Variants in NPTXR observed in about 807,000 individuals in gnomAD.
NPTXR encodes neuronal pentraxin receptor.
Under a neutral mutation model 32.2 loss-of-function variants are expected in NPTXR, and 12 were observed. That is an observed-to-expected ratio of 0.37 (90% CI 0.24 to 0.60). NPTXR has a LOEUF of 0.60. Ranked by LOEUF, NPTXR falls within the 20% of genes least tolerant of loss-of-function variation. NPTXR has a pLI of 0.66. For synonymous variants in NPTXR, 323 were observed against 315.8 expected, an observed-to-expected ratio of 1.02 and a Z score of -0.24; for missense variants, 612 against 682.9, an observed-to-expected ratio of 0.90 and a Z score of 1.16.
At chr22:38,829,024 G>T (rs563925133) in intron 1 of NPTXR, among the ~76,000 whole-genome samples, 2 of 152,232 alleles carry the variant, frequency 1.3e-5, no homozygotes, top group African/African-American at 2.4e-5. Context: ...GCAGGGCCCC[G>T]GTGGCTTGAC....
In NPTXR at chr22:38,828,353, G is replaced by T. The variant is rs772216123; in HGVS notation, c.784C>A (p.Arg262=). The T allele has an allele frequency of 1.2e-6, 2 of 1,613,048 alleles. No homozygotes were observed. Among genetic ancestry groups the T allele is most frequent in the Non-Finnish European group, 8.5e-7 (1 of 1,179,990 alleles). ...TCCTTTTCCACTTCCTGCCTCTGCC[G>T]GCGGCTGCTGTGGCTGAGGGCCACA... is the stretch of plus-strand genomic sequence containing the variant. The change falls in exon 2 of 5, where the codon CGG becomes AGG. Residue 262 remains arginine (R), a synonymous_variant. Transcript: ENST00000333039.
intron 1 of NPTXR, among the ~76,000 whole-genome samples, chr22:38,840,638 G>C (rs2093130506): frequency 6.6e-6 from 1 of 152,150 alleles, no homozygotes; most frequent in Admixed American, 6.5e-5. Context: ...GGGGCTGATG[G>C]GACAACCAGA....
At chr22:38,829,585 T>C (rs1473941307) in intron 1 of NPTXR, among the ~76,000 whole-genome samples, 1 of 152,168 alleles carries the variant, frequency 6.6e-6, no homozygotes, top group Non-Finnish European at 1.5e-5. Context: ...TCCTCCTGGA[T>C]TCCCCCTCCT....
In NPTXR at chr22:38,828,526, A is replaced by T; in HGVS notation, c.625-14T>A. On this transcript the variant is annotated splice_polypyrimidine_tract_variant and intron_variant, in intron 1 of 4. Coordinates refer to ENST00000333039, the MANE Select transcript of NPTXR (RefSeq NM_014293.4). ...TGGAAGCTCCTGCTGTTCACAGGGC[A>T]GAGAAACAGAAATCAACTGAGGGGA... 1 of 1,563,130 alleles carries T rather than the reference A, an allele frequency of 6.4e-7. No homozygotes were observed. Among genetic ancestry groups the T allele is most frequent in the Non-Finnish European group, 8.7e-7 (1 of 1,152,380 alleles).
rs763837730 is a variant in NPTXR at position 38,828,504 on chromosome 22, A to G, written c.633T>C (p.Leu211=). The G allele has an allele frequency of 5.6e-6, 9 of 1,596,814 alleles. No individual in the cohort carries two copies. Among genetic ancestry groups the G allele is most frequent in the Non-Finnish European group, 6.8e-6 (8 of 1,172,228 alleles). Residue 211 remains leucine (L), a synonymous_variant, in exon 2 of 5, where the codon CTT becomes CTC. Coordinates refer to ENST00000333039, the MANE Select transcript of NPTXR (RefSeq NM_014293.4). The stretch of plus-strand genomic sequence containing the variant: ...CAGCTGAGAGGTTCACACGGGCTGG[A>G]AGCTCCTGCTGTTCACAGGGCAGAG...
chr22:38,843,393 C>A lies in NPTXR; in HGVS notation c.466G>T (p.Gly156Cys). 7.1e-7 allele frequency: 1 copy of A among 1,415,488 alleles called. No individual in the cohort carries two copies. The highest frequency in any genetic ancestry group is 9.1e-7 in the Non-Finnish European group (1 of 1,093,858). 87.7% of individuals were successfully genotyped at this position (1,415,488 alleles called of 1,614,324 possible). Residue 156 changes from glycine (G) to cysteine (C), a missense_variant, in exon 1 of 5, where the codon GGC becomes TGC. Gly to Cys is a radical substitution (Grantham distance 159). Transcript: ENST00000333039. The surrounding 1 kb of genome is among the most constrained non-coding windows in gnomAD (Gnocchi z 5.3). The stretch of plus-strand genomic sequence containing the variant: ...CCGCTCTCGCAGCGGCCCAGCTTGC[C>A]GGTGAGCTCACGGATGGTGTCCTGG...
intron 1 of NPTXR, among the ~76,000 whole-genome samples, chr22:38,829,118 CTA>C (rs1222090708): frequency 1.3e-5 from 2 of 152,216 alleles, no homozygotes; most frequent in Non-Finnish European, 2.9e-5. Context: ...AACCAATCTG[CTA>C]TGTGACTCTG....
intron 3 of NPTXR, among the ~76,000 whole-genome samples, 198 bp from the exon 4 acceptor site, chr22:38,823,460 A>G (rs2093101516): frequency 6.6e-6 from 1 of 152,198 alleles, no homozygotes; most frequent in Non-Finnish European, 1.5e-5. Flanking sequence ...ACCAGATCAC[A>G]AGGGACTCTC....
chr22:38,831,039 G>A (rs137874660), intron 1 of NPTXR, among the ~76,000 whole-genome samples: 40 of 152,334 alleles, frequency 2.6e-4, no homozygotes, highest in Admixed American at 5.9e-4. Flanking sequence ...TTGCTTTCCC[G>A]AGGGCTCCTT....
intron 1 of NPTXR, 35 bp from the exon 2 acceptor site, chr22:38,828,547 G>A (rs745877072): frequency 2.0e-6 from 3 of 1,510,264 alleles, no homozygotes; most frequent in East Asian, 4.9e-5. Flanking sequence ...AATCAACTGA[G>A]GGGAGGAAGG....
rs2146188066 is a variant in NPTXR at position 38,820,028 on chromosome 22, A to G, written c.*2581T>C. ...ATGCAAGTGCTGTCACCTCCTTCCTAAGACCCCATCCTTCTCCCAAGTCCT... is the reference window on the plus strand; with the variant it reads ...ATGCAAGTGCTGTCACCTCCTTCCTGAGACCCCATCCTTCTCCCAAGTCCT... On this transcript the variant is annotated 3_prime_UTR_variant, in exon 5 of 5. Coordinates refer to ENST00000333039, the MANE Select transcript of NPTXR (RefSeq NM_014293.4). 6.6e-6 allele frequency: 1 copy of G among 152,644 alleles called. No homozygotes were observed. Among genetic ancestry groups the G allele is most frequent in the African/African-American group, 2.4e-5 (1 of 41,520 alleles). 9.5% of individuals were successfully genotyped at this position (152,644 alleles called of 1,614,324 possible).
chr22:38,838,771 C>G (rs202203936), intron 1 of NPTXR, among the ~76,000 whole-genome samples: 1 of 151,872 alleles, frequency 6.6e-6, no homozygotes, highest in African/African-American at 2.4e-5. Flanking sequence ...TTAGTAGAGA[C>G]GGGGTTTCAC....
intron 2 of NPTXR, 38 bp downstream of exon 2, chr22:38,828,249 G>T: frequency 6.5e-7 from 1 of 1,537,046 alleles, no homozygotes. Context: ...GTCATCCTGA[G>T]GACCCCTCCA....
Position 38,834,804 on chromosome 22 carries a change from A to T in NPTXR, c.625-6292T>A, listed in dbSNP as rs2093121633. Among the ~76,000 whole-genome samples, 1 of 152,106 alleles carries T rather than the reference A, an allele frequency of 6.6e-6. No homozygotes were observed. The highest frequency in any genetic ancestry group is 2.1e-4 in the South Asian group (1 of 4,828). ...TCTGTAAAATGGGTGTAATAATAGT[A>T]CCTACATTTGGGGATATAAATAATG... On this transcript the variant is annotated intron_variant, in intron 1 of 4. Transcript: ENST00000333039. This position sits in a 1 kb window ranked among gnomAD's most constrained non-coding sequence, Gnocchi z 4.4.
rs2093099039 is a variant in NPTXR, at chr22:38,822,369, C to T, written c.*240G>A. The T allele has an allele frequency of 1.1e-5, 6 of 556,810 alleles. No homozygotes were observed. Among genetic ancestry groups the T allele is most frequent in the Non-Finnish European group, 2.0e-5 (6 of 307,618 alleles). 34.5% of individuals were successfully genotyped at this position (556,810 alleles called of 1,614,324 possible). ...GTAAGAGACAACTCCAGTGCAGTGC[C>T]AGGTGGGCAGGCTCCCACTGTTCAC... On this transcript the variant is annotated 3_prime_UTR_variant, in exon 5 of 5. Transcript: ENST00000333039.
At position 38,843,397 on chromosome 22, in the gene NPTXR, G is replaced by A; in HGVS notation, c.462C>T (p.Leu154=). The A allele has an allele frequency of 7.1e-7, 1 of 1,415,086 alleles. No homozygotes were observed. The highest frequency in any genetic ancestry group is 1.5e-5 in the African/African-American group (1 of 66,762). The allele number at this position is 1,415,086 out of a possible 1,614,324, so 87.7% of individuals were successfully genotyped here. ...TCTCGCAGCGGCCCAGCTTGCCGGT[G>A]AGCTCACGGATGGTGTCCTGGTCGG... The change falls in exon 1 of 5, where the codon CTC becomes CTT. Residue 154 remains leucine, a synonymous_variant. Coordinates refer to ENST00000333039, the MANE Select transcript of NPTXR (RefSeq NM_014293.4). This position sits in a 1 kb window ranked among gnomAD's most constrained non-coding sequence, Gnocchi z 5.3.
Position 38,843,646 on chromosome 22 carries a change from G to A in NPTXR, c.213C>T (p.Pro71=). Residue 71 remains proline, a synonymous_variant, in exon 1 of 5, where the codon CCC becomes CCT. Transcript: ENST00000333039. This position sits in a 1 kb window ranked among gnomAD's most constrained non-coding sequence, Gnocchi z 5.3. Reference sequence around the variant, plus strand: ...CCGCGGGTGCCCCGGGCAGCGCGGGGGGCCCGGCTGAACCGCCCGCGCCGT... The same window carrying A: ...CCGCGGGTGCCCCGGGCAGCGCGGGAGGCCCGGCTGAACCGCCCGCGCCGT... The A allele has an allele frequency of 9.4e-7, 1 of 1,068,270 alleles. No individual in the cohort carries two copies. The highest frequency in any genetic ancestry group is 1.1e-6 in the Non-Finnish European group (1 of 885,954). 66.2% of individuals were successfully genotyped at this position (1,068,270 alleles called of 1,614,324 possible).
Position 38,823,242 on chromosome 22 carries a change from G to C in NPTXR, c.1119C>G (p.Ser373Arg), listed in dbSNP as rs1284060078. The change falls in exon 4 of 5, where the codon AGC becomes AGG. Residue 373 changes from serine to arginine, a missense_variant. By Grantham distance (110) the Ser-to-Arg change is moderately radical (BLOSUM62 -1). Transcript: ENST00000333039. ...TGTGGTGCCAGCCATTGTCCTTCAG[G>C]CTCAGGGGCAGCTGGGCCACCTGGA... 5 of 1,612,598 alleles carry C rather than the reference G, an allele frequency of 3.1e-6. No individual in the cohort carries two copies. In the East Asian group the frequency reaches 8.9e-5, roughly 29 times the overall value.
At chr22:38,824,863 C>A (rs1248248529) in intron 3 of NPTXR, among the ~76,000 whole-genome samples, 1 of 152,196 alleles carries the variant, frequency 6.6e-6, no homozygotes, top group Non-Finnish European at 1.5e-5. Context: ...GGTCCCTGGA[C>A]TCATCTCCTC....
Sources: allele counts gnomAD v4.1 joint callset (sites outside exome capture counted in the v4.1 genomes callset), GRCh38; gene constraint gnomAD v4.1.1; non-coding constraint Gnocchi (gnomAD v3.1); transcripts MANE v1.5; gene names NCBI Gene and HGNC (gene_info 2026-07-23, HGNC 2026-07-21).